The following TEAD1 variants were observed in gnomAD, a reference collection of about 807,000 sequenced individuals.
TEAD1 encodes transcriptional enhancer factor TEF-1.
TEAD1 carries 9 observed loss-of-function variants against 54.9 expected under a neutral mutation model. The ratio of observed to expected loss-of-function variants is 0.16; its 90% CI spans 0.10 to 0.29. TEAD1 has a LOEUF of 0.29. Among genes scored for constraint, TEAD1 ranks in the 10% least tolerant of loss-of-function variants. TEAD1 has a pLI of 1.00. For synonymous variants in TEAD1, 200 were observed against 187.8 expected, an observed-to-expected ratio of 1.07 and a Z score of -0.53; for missense variants, 387 against 535.9, an observed-to-expected ratio of 0.72 and a Z score of 2.74.
intron 2 of TEAD1, among the ~76,000 whole-genome samples, chr11:12,677,303 T>C (rs528571949): frequency 3.3e-5 from 5 of 150,154 alleles, no homozygotes; most frequent in African/African-American, 1.2e-4. Flanking sequence ...CCTTGCCTTG[T>C]GGTACAATGT....
chr11:12,734,483 A>G (rs1475904907), intron 2 of TEAD1, among the ~76,000 whole-genome samples: 1 of 152,256 alleles, frequency 6.6e-6, no homozygotes, highest in East Asian at 1.9e-4. Flanking sequence ...AGTAGCGTAC[A>G]GTAATATCCT....
intron 2 of TEAD1, 125 bp from the exon 3 acceptor site, chr11:12,764,054 A>G: frequency 1.5e-6 from 1 of 675,092 alleles, no homozygotes. Flanking sequence ...GTGTATCCCC[A>G]AAAAGACTGA....
At chr11:12,688,728 A>G (rs1211438474) in intron 2 of TEAD1, among the ~76,000 whole-genome samples, 1 of 152,232 alleles carries the variant, frequency 6.6e-6, no homozygotes, top group Non-Finnish European at 1.5e-5. Flanking sequence ...CCTCCTCTGC[A>G]AAATGGAGAA....
At chr11:12,783,132 G>C (rs1406206009) in intron 3 of TEAD1, among the ~76,000 whole-genome samples, 1 of 147,814 alleles carries the variant, frequency 6.8e-6, no homozygotes, top group Admixed American at 6.7e-5. Flanking sequence ...GTGTGTGTGT[G>C]TGCGCGCACT....
intron 9 of TEAD1, among the ~76,000 whole-genome samples, chr11:12,894,514 T>C (rs1277675910): frequency 6.6e-6 from 1 of 152,140 alleles, no homozygotes; most frequent in East Asian, 1.9e-4. Context: ...GACAACCTCC[T>C]AGGCTGTCCC....
At chr11:12,685,776 A>G (rs1230978532) in intron 2 of TEAD1, among the ~76,000 whole-genome samples, 1 of 152,234 alleles carries the variant, frequency 6.6e-6, no homozygotes, top group Non-Finnish European at 1.5e-5. Flanking sequence ...TAACTAAGTC[A>G]TAAAGGATAA....
At chr11:12,719,944 C>G (rs181177817) in intron 2 of TEAD1, among the ~76,000 whole-genome samples, 1 of 69,392 alleles carries the variant, frequency 1.4e-5, no homozygotes, top group African/African-American at 4.0e-5. Flanking sequence ...GTTTGGAAAT[C>G]TAATGTTTTT....
At position 12,862,899 on chromosome 11, in the gene TEAD1, C is replaced by T. The variant is rs116135103; in HGVS notation, c.267+585C>T. Among the ~76,000 whole-genome samples the T allele has an allele frequency of 9.5e-3, 1,440 of 152,168 alleles. 22 individuals carry two copies. Among genetic ancestry groups the T allele is most frequent in the African/African-American group, 0.033 (1,366 of 41,508 alleles). On this transcript the variant is annotated intron_variant, in intron 4 of 12. Transcript: ENST00000527636. Reference sequence around the variant, plus strand: ...CAGAGCAGTATCAGGAATTCTCTGCCCTTTGGCAGAGCTCTGCCTTTCCTC... The same window carrying T: ...CAGAGCAGTATCAGGAATTCTCTGCTCTTTGGCAGAGCTCTGCCTTTCCTC...
At chr11:12,922,878 T>G (rs1948835367) in intron 10 of TEAD1, 1 of 127,342 alleles carries the variant, frequency 7.9e-6, no homozygotes, top group African/African-American at 3.1e-5. Flanking sequence ...GCAGTGAGCC[T>G]CGCACCAGTG....
intron 2 of TEAD1, among the ~76,000 whole-genome samples, chr11:12,704,768 G>A (rs138167221): frequency 1.3e-5 from 2 of 152,330 alleles, no homozygotes; most frequent in East Asian, 3.9e-4. Flanking sequence ...TCAAAGGATT[G>A]GGATGGGATG....
rs201383719 is a variant in TEAD1 at position 12,688,216 on chromosome 11, TG to T, written c.-55+12660del. ...GCCTGTGATAGGTGATGGGCAGTGA[TG>T]GGGGCAGCTGGCAGAAGAGAGTTAA... is the stretch of plus-strand genomic sequence containing the variant. On this transcript the variant is annotated intron_variant, in intron 2 of 12. Coordinates refer to ENST00000527636, the MANE Select transcript of TEAD1 (RefSeq NM_021961.6). Among the ~76,000 whole-genome samples the T allele has an allele frequency of 7.5e-3, 1,139 of 152,210 alleles. 12 individuals are homozygous for T. The highest frequency in any genetic ancestry group is 0.026 in the African/African-American group (1,072 of 41,514).
intron 2 of TEAD1, among the ~76,000 whole-genome samples, chr11:12,682,522 G>A (rs949394759): frequency 2.0e-5 from 3 of 152,142 alleles, no homozygotes; most frequent in African/African-American, 4.8e-5. Flanking sequence ...CCTGGTGTTG[G>A]GAAATGAGGG....
At chr11:12,723,528 T>G (rs1379568508) in intron 2 of TEAD1, among the ~76,000 whole-genome samples, 1 of 152,190 alleles carries the variant, frequency 6.6e-6, no homozygotes. Flanking sequence ...AACTTCCTTA[T>G]AGGTCATAAG....
At chr11:12,749,139 C>T (rs948011842) in intron 2 of TEAD1, among the ~76,000 whole-genome samples, 4 of 152,006 alleles carry the variant, frequency 2.6e-5, no homozygotes, top group Admixed American at 1.3e-4. Flanking sequence ...TGAGGATTTG[C>T]GCTGGTTTGT....
intron 3 of TEAD1, among the ~76,000 whole-genome samples, chr11:12,844,959 CTTTTT>C (rs3046338): frequency 6.2e-5 from 4 of 64,670 alleles, no homozygotes; most frequent in Admixed American, 2.5e-4. Flanking sequence ...TGTATGAAAT[CTTTTT>C]TTTTTTTTTT....
Position 12,834,494 on chromosome 11 carries a change from A to C in TEAD1, c.203-27756A>C, listed in dbSNP as rs1213866115. On this transcript the variant is annotated intron_variant, in intron 3 of 12. Coordinates refer to ENST00000527636, the MANE Select transcript of TEAD1 (RefSeq NM_021961.6). ...CCTCATCTGTAAAATGAAAATAATG[A>C]CAGCCTCTGTTGACTTTTATGATAG... Among the ~76,000 whole-genome samples, 6 of 152,196 alleles carry C rather than the reference A, an allele frequency of 3.9e-5. No individual in the cohort carries two copies. In the South Asian group the frequency reaches 1.2e-3, roughly 32 times the overall value.
intron 9 of TEAD1, among the ~76,000 whole-genome samples, chr11:12,885,393 G>A (rs1014078879): frequency 3.2e-4 from 48 of 151,994 alleles, no homozygotes; most frequent in African/African-American, 1.0e-3. Context: ...CCGCCACTAC[G>A]CCTGGCTAAT....
In TEAD1 at chr11:12,901,507, C is replaced by T. The variant is rs781233606; in HGVS notation, c.700-433C>T. ...ACCATTGCTCAGACCACTGTATCTA[C>T]GCTGTCCCAGGAGAGTTGGGACAAG... On this transcript the variant is annotated intron_variant, in intron 9 of 12. Transcript: ENST00000527636. Among the ~76,000 whole-genome samples, 11 of 152,148 alleles carry T rather than the reference C, an allele frequency of 7.2e-5. No homozygotes were observed. The East Asian group carries it at 7.7e-4, about 11-fold the overall frequency.
At chr11:12,907,048 C>G (rs1360499034) in intron 10 of TEAD1, among the ~76,000 whole-genome samples, 1 of 152,026 alleles carries the variant, frequency 6.6e-6, no homozygotes, top group Non-Finnish European at 1.5e-5. Flanking sequence ...TACGGTAACT[C>G]TATGTTTAAC....
Sources: gnomAD v4.1 joint callset for allele counts (sites outside exome capture counted in the v4.1 genomes callset) on GRCh38, gnomAD v4.1.1 for gene constraint, MANE v1.5 for transcripts, NCBI Gene and HGNC (gene_info 2026-07-23, HGNC 2026-07-21) for gene names.